The following IQANK1 variants were observed in gnomAD, a reference collection of about 807,000 sequenced individuals.
The protein encoded by IQANK1 is IQ motif and ankyrin repeat domain-containing protein 1.
Under a neutral mutation model 22.6 loss-of-function variants are expected in IQANK1, and 30 were observed. The observed-to-expected ratio is 1.33, with a 90% confidence interval of 0.99 to 1.80. The LOEUF (loss-of-function observed/expected upper bound fraction) is 1.80, where lower values mean the gene tolerates loss of function less well. Among genes scored for constraint, IQANK1 ranks in the 40% most tolerant of loss-of-function variants. The pLI, the probability that IQANK1 is intolerant of heterozygous loss-of-function variation, is 0.00. For missense variants in IQANK1, 275 were observed against 235.2 expected (o/e 1.17, Z -1.11); for synonymous variants, 122 against 99.6 (o/e 1.23, Z -1.34).
At chr8:143,775,719 G>A (rs892386413) in intron 7 of IQANK1, among the ~76,000 whole-genome samples, 28 of 151,030 alleles carry the variant, frequency 1.9e-4, no homozygotes, top group Admixed American at 5.9e-4. Flanking sequence ...CTGAGATCGC[G>A]CCACTGGGCT....
chr8:143,748,568 TATATA>T (rs1172746422), intron 3 of IQANK1, among the ~76,000 whole-genome samples: 82 of 133,894 alleles, frequency 6.1e-4, no homozygotes, highest in African/African-American at 2.1e-3. Flanking sequence ...ATATATATCA[TATATA>T]ATATATAAAT....
At chr8:143,748,792 T>TAAATATATATC (rs1819100320) in intron 3 of IQANK1, among the ~76,000 whole-genome samples, 1 of 111,318 alleles carries the variant, frequency 9.0e-6, no homozygotes, top group African/African-American at 3.7e-5. Flanking sequence ...CATATATAAA[T>TAAATATATATC]ATATAAATAT....
At chr8:143,738,131 G>A (rs1818793404) in intron 2 of IQANK1, among the ~76,000 whole-genome samples, 1 of 152,240 alleles carries the variant, frequency 6.6e-6, no homozygotes, top group African/African-American at 2.4e-5. Flanking sequence ...CCCTGGGGTG[G>A]GGGGCGGGGG....
intron 7 of IQANK1, 90 bp downstream of exon 7, chr8:143,772,572 C>T (rs1428175153): frequency 1.5e-5 from 6 of 398,376 alleles, no homozygotes; most frequent in East Asian, 7.1e-5. Flanking sequence ...GTGTGGGTAC[C>T]GGGAGGTGTG....
At chr8:143,779,610 G>T (rs548718271) in intron 7 of IQANK1, among the ~76,000 whole-genome samples, 1 of 152,048 alleles carries the variant, frequency 6.6e-6, no homozygotes, top group Non-Finnish European at 1.5e-5. Context: ...TAAGACACTC[G>T]TAAGTTTACT....
chr8:143,736,141 AT>A (rs555506417), intron 2 of IQANK1, among the ~76,000 whole-genome samples: 1,931 of 136,958 alleles, frequency 0.014, 19 homozygotes, highest in African/African-American at 0.039. Flanking sequence ...GCCTGAATCT[AT>A]TTTTTTTTTT....
intron 3 of IQANK1, among the ~76,000 whole-genome samples, chr8:143,770,913 C>G (rs2129904752): frequency 6.6e-6 from 1 of 152,374 alleles, no homozygotes; most frequent in South Asian, 2.1e-4. Flanking sequence ...CCGACGCCCT[C>G]TCCTCCGCCC....
chr8:143,767,351 T>TGTG (rs1819498392), intron 3 of IQANK1, among the ~76,000 whole-genome samples: 1 of 152,214 alleles, frequency 6.6e-6, no homozygotes, highest in Non-Finnish European at 1.5e-5. Context: ...TATGAGTGTG[T>TGTG]GTGTGTGTGT....
At chr8:143,776,356 A>C (rs1350095223) in intron 7 of IQANK1, among the ~76,000 whole-genome samples, 1 of 151,938 alleles carries the variant, frequency 6.6e-6, no homozygotes, top group Non-Finnish European at 1.5e-5. Flanking sequence ...GAAAAAGAAA[A>C]AAGAAAAAAA....
intron 3 of IQANK1, among the ~76,000 whole-genome samples, chr8:143,768,270 C>A (rs1300827779): frequency 6.6e-6 from 1 of 152,044 alleles, no homozygotes; most frequent in Non-Finnish European, 1.5e-5. Context: ...GCTTACGGTG[C>A]GGGAACGTCT....
At chr8:143,750,906 C>CT (rs1388883745) in intron 3 of IQANK1, among the ~76,000 whole-genome samples, 2 of 151,666 alleles carry the variant, frequency 1.3e-5, no homozygotes, top group African/African-American at 2.4e-5. Flanking sequence ...TGCCATATAA[C>CT]TTTTTTTGTC....
In IQANK1 at chr8:143,789,833, A is replaced by G. The variant is rs1455117401; in HGVS notation, c.1159A>G (p.Met387Val). The change falls in exon 11 of 14, where the codon ATG becomes GTG. Residue 387 changes from methionine to valine, a missense_variant. Transcript: ENST00000527139. ...EAQKAEEALA[M>V]ARLELREQTQ... is the part of the protein sequence containing the mutation. Reference sequence around the variant, plus strand: ...CCAGAAGGCCGAGGAGGCGCTGGCTATGGCCAGGCTGGAGCTTCGGGAGCA... The same window carrying G: ...CCAGAAGGCCGAGGAGGCGCTGGCTGTGGCCAGGCTGGAGCTTCGGGAGCA... 8.1e-7 allele frequency: 1 copy of G among 1,232,170 alleles called. No individual in the cohort carries two copies. The allele number at this position is 1,232,170 out of a possible 1,614,324, so 76.3% of individuals were successfully genotyped here. A position where few individuals can be genotyped will look rare whatever the true frequency, so the allele number is the denominator to read the frequency against.
At chr8:143,763,273 C>G (rs1819428149) in intron 3 of IQANK1, among the ~76,000 whole-genome samples, 1 of 152,196 alleles carries the variant, frequency 6.6e-6, no homozygotes. Context: ...CTTGGCCTCC[C>G]AAAGTGCTGG....
chr8:143,734,664 CA>C (rs1373916481), intron 1 of IQANK1, among the ~76,000 whole-genome samples: 1 of 152,002 alleles, frequency 6.6e-6, no homozygotes, highest in Non-Finnish European at 1.5e-5. Context: ...ATTTCTCAGA[CA>C]CCAACCCCAC....
At chr8:143,773,328 C>CA (rs1175716821) in intron 7 of IQANK1, among the ~76,000 whole-genome samples, 30 of 135,418 alleles carry the variant, frequency 2.2e-4, no homozygotes, top group Admixed American at 5.6e-4. Flanking sequence ...AAAAAAAACA[C>CA]AAAAAAAACA....
At chr8:143,757,486 G>A (rs906775829) in intron 3 of IQANK1, among the ~76,000 whole-genome samples, 14 of 151,902 alleles carry the variant, frequency 9.2e-5, no homozygotes, top group Non-Finnish European at 1.3e-4. Flanking sequence ...ATAGGCGCCC[G>A]CCACCACGCC....
intron 7 of IQANK1, among the ~76,000 whole-genome samples, chr8:143,786,269 T>A (rs528200716): frequency 6.2e-4 from 95 of 152,290 alleles, no homozygotes; most frequent in Non-Finnish European, 1.1e-3. Flanking sequence ...GTACCAGCGG[T>A]CTGGAGTCAC....
chr8:143,749,669 C>G (rs1458380692), intron 3 of IQANK1, among the ~76,000 whole-genome samples: 1 of 146,884 alleles, frequency 6.8e-6, no homozygotes, highest in South Asian at 2.1e-4. Flanking sequence ...GATCTCGGCT[C>G]ACTGCAATCT....
At chr8:143,738,311 C>T (rs1818798147) in intron 2 of IQANK1, among the ~76,000 whole-genome samples, 2 of 152,210 alleles carry the variant, frequency 1.3e-5, no homozygotes, top group Admixed American at 1.3e-4. Context: ...CGGCCTCAGG[C>T]CAGCTCAGAG....
Sources: gnomAD v4.1 joint callset for allele counts (sites outside exome capture counted in the v4.1 genomes callset) on GRCh38, gnomAD v4.1.1 for gene constraint, MANE v1.5 for transcripts, NCBI Gene and HGNC (gene_info 2026-07-23, HGNC 2026-07-21) for gene names.